The following XYLB variants were observed in gnomAD, a reference collection of about 807,000 sequenced individuals.
The protein encoded by XYLB is xylulose kinase.
Under a neutral mutation model 78.7 loss-of-function variants are expected in XYLB, and 62 were observed. That is an observed-to-expected ratio of 0.79 (90% CI 0.64 to 0.97). XYLB has a LOEUF of 0.97. Among genes scored for constraint, XYLB ranks in the 50% least tolerant of loss-of-function variants. The probability of loss-of-function intolerance (pLI) is 0.00; values close to 1 mark genes in which losing one functional copy is unlikely to be tolerated. For missense variants in XYLB, 687 were observed against 676.8 expected (o/e 1.02, Z -0.17); for synonymous variants, 245 against 247.4 (o/e 0.99, Z 0.09).
the XYLB span, among the ~76,000 whole-genome samples, chr3:38,428,449 TCATTTTTCCTTTTAGTTTTTTC>T: frequency 6.6e-6 from 1 of 152,242 alleles, no homozygotes; most frequent in African/African-American, 2.4e-5. Context: ...GTGTATTTCT[TCATTTTTCCTTTTAGTTTTTTC>T]CATTTTTCTT....
intron 15 of XYLB, among the ~76,000 whole-genome samples, chr3:38,381,478 G>C (rs900381638): frequency 5.9e-5 from 9 of 152,244 alleles, no homozygotes; most frequent in Non-Finnish European, 1.3e-4. Context: ...CAGGGAATAA[G>C]AGAGATAACC....
At chr3:38,447,685 G>A in the XYLB span, among the ~76,000 whole-genome samples, 10 of 152,004 alleles carry the variant, frequency 6.6e-5, no homozygotes, top group African/African-American at 1.5e-4. Flanking sequence ...GAAAACAACC[G>A]TATAGAGAGT....
chr3:38,387,628 TCC>T lies in XYLB; in HGVS notation c.1292-7875_1292-7874del, dbSNP rs147285502. ...CTCAGGTGATCCGCCTGCCTCAGCC[TCC>T]CAAAGTGCTGGGATTACAGGCATGA... is the stretch of plus-strand genomic sequence containing the variant. On this transcript the variant is annotated intron_variant, in intron 15 of 18. Transcript: ENST00000207870. Among the ~76,000 whole-genome samples, 1,139 of 152,308 alleles carry T rather than the reference TCC, an allele frequency of 7.5e-3. 17 individuals carry two copies. Among genetic ancestry groups the T allele is most frequent in the African/African-American group, 0.026 (1,067 of 41,564 alleles).
At chr3:38,422,858 T>C (rs1032035521), downstream of XYLB, among the ~76,000 whole-genome samples, 3 of 152,048 alleles carry the variant, frequency 2.0e-5, no homozygotes, top group African/African-American at 7.2e-5. Flanking sequence ...AAAAAATTCT[T>C]GTCAGGGTTT....
intron 12 of XYLB, among the ~76,000 whole-genome samples, chr3:38,375,866 G>C (rs1706825828): frequency 6.6e-6 from 1 of 152,108 alleles, no homozygotes; most frequent in Admixed American, 6.5e-5. Flanking sequence ...CTCTACCTGG[G>C]GCTCCTCTGT....
At chr3:38,419,938 G>A (rs1429225276), downstream of XYLB, among the ~76,000 whole-genome samples, 2 of 151,838 alleles carry the variant, frequency 1.3e-5, no homozygotes, top group Admixed American at 1.3e-4. Context: ...TCCTGCCTTA[G>A]CCTCCCGAGT....
In XYLB at chr3:38,370,190, G is replaced by A. The variant is rs1239187824; in HGVS notation, c.765+16G>A. ...CTCAGTTGTGGTAGGTCTCCTTTCT[G>A]GTGATGTGGCTCATTTAAGAGCTGG... On this transcript the variant is annotated intron_variant, in intron 9 of 18. Coordinates refer to ENST00000207870, the MANE Select transcript of XYLB (RefSeq NM_005108.4). 6.2e-7 allele frequency: 1 copy of A among 1,601,772 alleles called. No homozygotes were observed. The highest frequency in any genetic ancestry group is 2.2e-5 in the East Asian group (1 of 44,558).
At chr3:38,408,903 C>A (rs1708451819) in intron 18 of XYLB, among the ~76,000 whole-genome samples, 1 of 152,086 alleles carries the variant, frequency 6.6e-6, no homozygotes, top group Non-Finnish European at 1.5e-5. Flanking sequence ...AATAGCTTAC[C>A]AACCAAAAAG....
Position 38,362,938 on chromosome 3 carries a change from C to T in XYLB, c.212C>T (p.Ala71Val). 1 of 1,572,924 alleles carries T rather than the reference C, an allele frequency of 6.4e-7. No individual in the cohort carries two copies. The highest frequency in any genetic ancestry group is 8.6e-7 in the Non-Finnish European group (1 of 1,158,128). ...GGTGGGTTCTGTTTTTCTTCTTAGG[C>T]ACTGGATATCATCTTGGAGAAGATG... ...VTSPVLMWVQ[A>V]LDIILEKMKA... is the part of the protein sequence containing the mutation. Residue 71 changes from alanine to valine, a missense_variant and splice_region_variant, in exon 4 of 19, where the codon GCA (alanine) becomes GTA (valine). Physicochemically the swap from Ala to Val is moderately conservative, Grantham distance 64. Coordinates refer to ENST00000207870, the MANE Select transcript of XYLB (RefSeq NM_005108.4).
chr3:38,395,145 A>T (rs1256281611), intron 15 of XYLB, among the ~76,000 whole-genome samples: 3 of 152,244 alleles, frequency 2.0e-5, no homozygotes, highest in Non-Finnish European at 4.4e-5. Context: ...AATCTGGCTG[A>T]CACACCAGTC....
intron 18 of XYLB, 34 bp downstream of exon 18, chr3:38,401,019 G>A (rs1447260565): frequency 5.6e-6 from 9 of 1,600,866 alleles, no homozygotes; most frequent in Non-Finnish European, 7.7e-6. Context: ...TGTAGCATTT[G>A]CATTATGAAA....
the XYLB span, among the ~76,000 whole-genome samples, chr3:38,441,788 T>C: frequency 6.6e-6 from 1 of 152,220 alleles, no homozygotes; most frequent in African/African-American, 2.4e-5. Flanking sequence ...GCCAGCTTCT[T>C]GCTACTACAT....
At position 38,352,113 on chromosome 3, in the gene XYLB, A is replaced by C. The variant is rs373984182; in HGVS notation, c.140+3481A>C. Among the ~76,000 whole-genome samples, 8 of 152,372 alleles carry C rather than the reference A, an allele frequency of 5.3e-5. 1 individual carries two copies. The East Asian group carries it at 1.2e-3, about 22-fold the overall frequency. On this transcript the variant is annotated intron_variant, in intron 2 of 18. Coordinates refer to ENST00000207870, the MANE Select transcript of XYLB (RefSeq NM_005108.4). ...AATTCTCTTCCAAAGTGGTGATTTT[A>C]AGAAAAAAAATTTTATATTGTTAAC...
intron 16 of XYLB, among the ~76,000 whole-genome samples, chr3:38,396,390 A>T (rs748201102): frequency 6.6e-6 from 1 of 152,212 alleles, no homozygotes; most frequent in Non-Finnish European, 1.5e-5. Context: ...AAGGGGGCCA[A>T]CAGGCCACCC....
intron 14 of XYLB, among the ~76,000 whole-genome samples, chr3:38,377,973 C>T (rs1706950292): frequency 6.6e-6 from 1 of 152,172 alleles, no homozygotes; most frequent in Non-Finnish European, 1.5e-5. Context: ...GACATTGCTG[C>T]TGGAGAGTCA....
At chr3:38,402,596 C>T (rs1708163264) in intron 18 of XYLB, among the ~76,000 whole-genome samples, 1 of 152,224 alleles carries the variant, frequency 6.6e-6, no homozygotes, top group Non-Finnish European at 1.5e-5. Context: ...TCTTATTCTG[C>T]TTCTCCTTCA....
At chr3:38,421,838 C>T (rs1708988478), downstream of XYLB, among the ~76,000 whole-genome samples, 1 of 152,154 alleles carries the variant, frequency 6.6e-6, no homozygotes, top group Non-Finnish European at 1.5e-5. Flanking sequence ...AAGGAGTGGC[C>T]TGACCCTCCG....
the XYLB span, among the ~76,000 whole-genome samples, chr3:38,441,833 G>A: frequency 3.9e-5 from 6 of 152,146 alleles, no homozygotes; most frequent in Non-Finnish European, 8.8e-5. Flanking sequence ...CTAGTTGTAG[G>A]GTTGTCCCAC....
chr3:38,428,176 T>C, the XYLB span, among the ~76,000 whole-genome samples: 9 of 152,368 alleles, frequency 5.9e-5, no homozygotes, highest in African/African-American at 1.9e-4. Context: ...ATCTGTGTGG[T>C]CTAAGAATAT....
Sources: gnomAD v4.1 joint callset for allele counts (sites outside exome capture counted in the v4.1 genomes callset) on GRCh38, gnomAD v4.1.1 for gene constraint, MANE v1.5 for transcripts, NCBI Gene and HGNC (gene_info 2026-07-23, HGNC 2026-07-21) for gene names.